APCDD1: variants seen among roughly 807,000 people sequenced by gnomAD.
APCDD1 encodes protein APCDD1.
A neutral mutation model predicts 38.1 loss-of-function variants in APCDD1; 15 were observed. The ratio of observed to expected loss-of-function variants is 0.39; its 90% CI spans 0.26 to 0.61. The LOEUF (loss-of-function observed/expected upper bound fraction) is 0.61. Among genes scored for constraint, APCDD1 ranks in the 20% least tolerant of loss-of-function variants. The probability of loss-of-function intolerance (pLI) is 0.49; values close to 1 mark genes in which losing one functional copy is unlikely to be tolerated. For synonymous variants in APCDD1, 261 were observed against 279.7 expected, an observed-to-expected ratio of 0.93 and a Z score of 0.67; for missense variants, 647 against 696.2, an observed-to-expected ratio of 0.93 and a Z score of 0.79.
intron 3 of APCDD1, among the ~76,000 whole-genome samples, chr18:10,484,628 A>G (rs529736936): frequency 6.6e-6 from 1 of 152,130 alleles, no homozygotes; most frequent in East Asian, 1.9e-4. Context: ...TTCTGTCTCT[A>G]TGAATTTGAT....
rs2143534141 is a variant in APCDD1, at chr18:10,471,217, G to C, written c.243-313G>C. Among the ~76,000 whole-genome samples the C allele has an allele frequency of 6.6e-6, 1 of 152,376 alleles. No homozygotes were observed. Among genetic ancestry groups the C allele is most frequent in the Non-Finnish European group, 1.5e-5 (1 of 68,042 alleles). ...AGCGAGTGGAAGGCTGGCTGAGGCA[G>C]AGTGATTAGGAGCACAGCATCAGAG... On this transcript the variant is annotated intron_variant, in intron 2 of 4. Transcript: ENST00000355285. This position sits in a 1 kb window ranked among gnomAD's most constrained non-coding sequence, Gnocchi z 5.5.
In APCDD1 at chr18:10,470,990, A is replaced by G. The variant is rs2030837818; in HGVS notation, c.243-540A>G. On this transcript the variant is annotated intron_variant, in intron 2 of 4. Coordinates refer to ENST00000355285, the MANE Select transcript of APCDD1 (RefSeq NM_153000.5). The surrounding 1 kb of genome is among the most constrained non-coding windows in gnomAD (Gnocchi z 4.1). Reference sequence around the variant, plus strand: ...ATGGACAAGAAGATGCTAGATGACTAGATTCTGTCTCAGGATGACAGACAT... The same window carrying G: ...ATGGACAAGAAGATGCTAGATGACTGGATTCTGTCTCAGGATGACAGACAT... 6.6e-6 allele frequency among the ~76,000 whole-genome samples: 1 copy of G among 152,276 alleles called. No homozygotes were observed. Among genetic ancestry groups the G allele is most frequent in the African/African-American group, 2.4e-5 (1 of 41,480 alleles).
At position 10,488,254 on chromosome 18, in the gene APCDD1, G is replaced by A; in HGVS notation, c.*216G>A. On this transcript the variant is annotated 3_prime_UTR_variant, in exon 5 of 5. Coordinates refer to ENST00000355285, the MANE Select transcript of APCDD1 (RefSeq NM_153000.5). Reference sequence around the variant, plus strand: ...CTCCGTCCAGCCTGATCCCTGGCCTGAGCAACTTCACAACAGTAATTGCAC... The same window carrying A: ...CTCCGTCCAGCCTGATCCCTGGCCTAAGCAACTTCACAACAGTAATTGCAC... 1.6e-6 allele frequency: 1 copy of A among 624,498 alleles called. No homozygotes were observed. Among genetic ancestry groups the A allele is most frequent in the South Asian group, 2.0e-5 (1 of 50,746 alleles). 38.7% of individuals were successfully genotyped at this position (624,498 alleles called of 1,614,324 possible).
intron 3 of APCDD1, among the ~76,000 whole-genome samples, chr18:10,480,706 A>AC (rs2031114308): frequency 8.7e-6 from 1 of 115,062 alleles, no homozygotes; most frequent in Non-Finnish European, 1.9e-5. Flanking sequence ...TACAAAAAAT[A>AC]CAAAAAAAAA....
rs1455319210 is a variant in APCDD1 at position 10,485,504 on chromosome 18, T to C, written c.817T>C (p.Ser273Pro). The change falls in exon 4 of 5, where the codon TCA (serine) becomes CCA (proline). Residue 273 changes from serine (S) to proline (P), a missense_variant. Transcript: ENST00000355285. This position sits in a 1 kb window ranked among gnomAD's most constrained non-coding sequence, Gnocchi z 5.8. ...ACIACRIIYR[S>P]DEHHPPILPP... Reference sequence around the variant, plus strand: ...CATCGCCTGTCGGATCATCTATCGGTCAGACGAGCACCACCCTCCCATCCT... The same window carrying C: ...CATCGCCTGTCGGATCATCTATCGGCCAGACGAGCACCACCCTCCCATCCT... 1 of 1,614,074 alleles carries C rather than the reference T, an allele frequency of 6.2e-7. No individual in the cohort carries two copies. Among genetic ancestry groups the C allele is most frequent in the South Asian group, 1.1e-5 (1 of 91,076 alleles).
In APCDD1 at chr18:10,485,617, C is replaced by T. The variant is rs765577645; in HGVS notation, c.930C>T (p.Thr310=). The T allele has an allele frequency of 6.2e-7, 1 of 1,614,196 alleles. No individual in the cohort carries two copies. Among genetic ancestry groups the T allele is most frequent in the Admixed American group, 1.7e-5 (1 of 60,022 alleles). Residue 310 remains threonine, a synonymous_variant, in exon 4 of 5, where the codon ACC becomes ACT. Transcript: ENST00000355285. The surrounding 1 kb of genome is among the most constrained non-coding windows in gnomAD (Gnocchi z 5.8). The part of the protein sequence containing the change: ...CEVRPEVLFL[T]RHFIFHDNNN... ...TGCGCCCCGAAGTCCTCTTCCTCAC[C>T]CGCCACTTCATCTTCCATGACAACA... is the stretch of plus-strand genomic sequence containing the variant.
intron 1 of APCDD1, 137 bp downstream of exon 1, chr18:10,455,176 C>T: frequency 1.4e-6 from 2 of 1,380,340 alleles, no homozygotes; most frequent in Non-Finnish European, 1.9e-6. Flanking sequence ...GAGGGGAGCC[C>T]CGCGCCTGCC....
intron 1 of APCDD1, 151 bp from the exon 2 acceptor site, chr18:10,468,318 A>T: frequency 2.4e-6 from 2 of 847,200 alleles, no homozygotes; most frequent in Non-Finnish European, 2.0e-6. Context: ...AATGTGCATC[A>T]TACACGAGAG....
At chr18:10,479,455 G>A (rs1759401065) in intron 3 of APCDD1, among the ~76,000 whole-genome samples, 1 of 152,216 alleles carries the variant, frequency 6.6e-6, no homozygotes, top group Non-Finnish European at 1.5e-5. Flanking sequence ...GTCAGCAGAT[G>A]TTGATGAACC....
At chr18:10,458,828 A>G (rs569417942) in intron 1 of APCDD1, among the ~76,000 whole-genome samples, 50 of 152,358 alleles carry the variant, frequency 3.3e-4, no homozygotes, top group South Asian at 6.2e-4. Flanking sequence ...GCATGTCTTC[A>G]GTAGACTCTT....
At chr18:10,463,399 G>A (rs2030621278) in intron 1 of APCDD1, among the ~76,000 whole-genome samples, 1 of 152,120 alleles carries the variant, frequency 6.6e-6, no homozygotes, top group South Asian at 2.1e-4. Flanking sequence ...GCTAGTTCTA[G>A]TCCCGAATTT....
chr18:10,471,692 G>A lies in APCDD1; in HGVS notation c.405G>A (p.Trp135Ter). The stretch of plus-strand genomic sequence containing the variant: ...AGATCCGCCTCCGCCAGGCCTCCTG[G>A]ATCATCCGAGGGGGCACGGAAGCCG... Reference protein sequence around the residue: ...RGKIRLRQASWIIRGGTEADY... With the variant: ...RGKIRLRQAS Residue 135 changes from tryptophan to a stop codon, truncating the protein, a stop_gained, in exon 3 of 5, where the codon TGG becomes TGA. Coordinates refer to ENST00000355285, the MANE Select transcript of APCDD1 (RefSeq NM_153000.5). LOFTEE classifies it high-confidence loss of function. This position sits in a 1 kb window ranked among gnomAD's most constrained non-coding sequence, Gnocchi z 5.5. 1 of 1,614,108 alleles carries A rather than the reference G, an allele frequency of 6.2e-7. No homozygotes were observed. The highest frequency in any genetic ancestry group is 8.5e-7 in the Non-Finnish European group (1 of 1,180,036).
In APCDD1 at chr18:10,489,333, A is replaced by C. The variant is rs1386692275; in HGVS notation, c.*1295A>C. 6.6e-6 allele frequency: 1 copy of C among 152,224 alleles called. No individual in the cohort carries two copies. Among genetic ancestry groups the C allele is most frequent in the Non-Finnish European group, 1.5e-5 (1 of 68,086 alleles). The allele number at this position is 152,224 out of a possible 1,614,324, so 9.4% of individuals were successfully genotyped here. A position where few individuals can be genotyped will look rare whatever the true frequency, so the allele number is the denominator to read the frequency against. ...ACAGAGACTGGGAAAGGGAAATGGG[A>C]GTAACCGAAAGCCAGATGGAACGAA... is the stretch of plus-strand genomic sequence containing the variant. On this transcript the variant is annotated 3_prime_UTR_variant, in exon 5 of 5. Transcript: ENST00000355285.
chr18:10,457,150 C>G (rs140240444), intron 1 of APCDD1, among the ~76,000 whole-genome samples: 1,875 of 152,288 alleles, frequency 0.012, 22 homozygotes, highest in Non-Finnish European at 0.02. Flanking sequence ...GAGTATCAGA[C>G]TCTAGTGCAG....
rs776048154 is a variant in APCDD1, at chr18:10,485,746, G to A, written c.1059G>A (p.Ser353=). 7.4e-6 allele frequency: 12 copies of A among 1,613,776 alleles called. No individual in the cohort carries two copies. In the East Asian group the frequency reaches 1.3e-4, roughly 18 times the overall value. ...GCCGCTACAGCCGCGGCGTCCTCTC[G>A]TCCAGGGTCATGGGAGGCACCGAGT... The part of the protein sequence containing the change: ...ARGRYSRGVL[S]SRVMGGTEFV... The change falls in exon 4 of 5, where the codon TCG becomes TCA. Residue 353 remains serine, a synonymous_variant. Transcript: ENST00000355285. The surrounding 1 kb of genome is among the most constrained non-coding windows in gnomAD (Gnocchi z 5.8).
chr18:10,465,823 A>T (rs575546228), intron 1 of APCDD1, among the ~76,000 whole-genome samples: 1 of 152,338 alleles, frequency 6.6e-6, no homozygotes, highest in South Asian at 2.1e-4. Flanking sequence ...TTTGTCACTG[A>T]TAATAAAATA....
At chr18:10,459,315 T>TGC (rs932031003) in intron 1 of APCDD1, among the ~76,000 whole-genome samples, 54 of 84,586 alleles carry the variant, frequency 6.4e-4, no homozygotes, top group Non-Finnish European at 9.9e-4. Context: ...CCCACAAGCG[T>TGC]GCACACACAC....
intron 3 of APCDD1, among the ~76,000 whole-genome samples, chr18:10,481,681 A>AT (rs1362192134): frequency 6.2e-5 from 8 of 128,302 alleles, no homozygotes; most frequent in Admixed American, 5.7e-4. Context: ...AAACACAGTA[A>AT]TAAAAAAAAA....
intron 3 of APCDD1, among the ~76,000 whole-genome samples, chr18:10,483,188 A>T (rs2143559229): frequency 6.6e-6 from 1 of 152,318 alleles, no homozygotes; most frequent in Middle Eastern, 3.4e-3. Flanking sequence ...CTGGCCGGAG[A>T]CATCTTTCCG....
Sources: allele counts gnomAD v4.1 joint callset (sites outside exome capture counted in the v4.1 genomes callset), GRCh38; gene constraint gnomAD v4.1.1; non-coding constraint Gnocchi (gnomAD v3.1); transcripts MANE v1.5; gene names NCBI Gene and HGNC (gene_info 2026-07-23, HGNC 2026-07-21).